The following GJB7 variants were observed in gnomAD, a reference collection of about 807,000 sequenced individuals.
GJB7 encodes gap junction protein beta 7, also known as gap junction beta-7 protein.
For missense variants in GJB7, 253 were observed against 256.8 expected, an observed-to-expected ratio of 0.99 and a Z score of 0.10; for synonymous variants, 87 against 95.2, an observed-to-expected ratio of 0.91 and a Z score of 0.50.
At chr6:87,320,556 G>A (rs548731914) in intron 2 of GJB7, among the ~76,000 whole-genome samples, 1 of 152,230 alleles carries the variant, frequency 6.6e-6, no homozygotes, top group South Asian at 2.1e-4. Context: ...ACAGCCTCAG[G>A]CAGTCCTGAG....
intron 2 of GJB7, among the ~76,000 whole-genome samples, chr6:87,287,280 G>A (rs1776077560): frequency 6.6e-6 from 1 of 152,130 alleles, no homozygotes; most frequent in Non-Finnish European, 1.5e-5. Flanking sequence ...AATACTTCTT[G>A]TTTTCTGCAT....
chr6:87,319,183 A>G (rs891415723), intron 2 of GJB7, among the ~76,000 whole-genome samples: 9 of 152,266 alleles, frequency 5.9e-5, no homozygotes, highest in Admixed American at 1.3e-4. Context: ...CCTGCTCAAA[A>G]TGAAGATTAC....
In GJB7 at chr6:87,284,024, T is replaced by A; in HGVS notation, c.*217A>T. On this transcript the variant is annotated 3_prime_UTR_variant, in exon 3 of 3. Transcript: ENST00000525899. ...AAGCATATTGACAATGTAAAAAAAT[T>A]CCTCCCAAATGATACTAAGGCTGAT... The A allele has an allele frequency of 1.9e-6, 1 of 523,636 alleles. No homozygotes were observed. Among genetic ancestry groups the A allele is most frequent in the South Asian group, 2.6e-5 (1 of 38,480 alleles). 32.4% of individuals were successfully genotyped at this position (523,636 alleles called of 1,614,324 possible).
chr6:87,305,923 G>T (rs973529418), intron 2 of GJB7, among the ~76,000 whole-genome samples: 4 of 152,106 alleles, frequency 2.6e-5, no homozygotes, highest in African/African-American at 4.8e-5. Flanking sequence ...ACAAGCAATG[G>T]GGAAAGGATT....
rs1207497469 is a variant in GJB7 at position 87,312,412 on chromosome 6, T to C, written c.-28+10454A>G. Among the ~76,000 whole-genome samples the C allele has an allele frequency of 7.3e-5, 11 of 151,630 alleles. No individual in the cohort carries two copies. The East Asian group carries it at 2.1e-3, about 29-fold the overall frequency. ...CTGTAATCCCAGTTACTCAGGAGGC[T>C]GAGGCAAAGAATTGCTTGAACTCGC... On this transcript the variant is annotated intron_variant, in intron 2 of 2. Transcript: ENST00000525899.
chr6:87,301,692 C>T (rs890050164), intron 2 of GJB7, among the ~76,000 whole-genome samples: 1 of 152,176 alleles, frequency 6.6e-6, no homozygotes, highest in Non-Finnish European at 1.5e-5. Flanking sequence ...AATCGTTCTC[C>T]CAGCACAGTT....
intron 2 of GJB7, among the ~76,000 whole-genome samples, chr6:87,298,004 G>GT (rs112694259): frequency 0.015 from 2,232 of 152,262 alleles, 56 homozygotes; most frequent in African/African-American, 0.05. Flanking sequence ...AATTAAAGAG[G>GT]TTTGATCAAT....
intron 2 of GJB7, among the ~76,000 whole-genome samples, chr6:87,297,359 T>A (rs1391313618): frequency 6.6e-6 from 1 of 152,232 alleles, no homozygotes; most frequent in Non-Finnish European, 1.5e-5. Flanking sequence ...AATTTGGATG[T>A]GTCCAGTGAT....
chr6:87,284,899 A>G lies in GJB7; in HGVS notation c.14T>C (p.Phe5Ser), dbSNP rs143638017. Residue 5 changes from phenylalanine to serine, a missense_variant, in exon 3 of 3, where the codon TTC becomes TCC. Transcript: ENST00000525899. MSWM[F>S]LRDLLSGVNK... ...TACTCCACTCAGGAGATCTCTGAGGAACATCCAACTCATGACTTAGGCTCA... is the reference window on the plus strand; with the variant it reads ...TACTCCACTCAGGAGATCTCTGAGGGACATCCAACTCATGACTTAGGCTCA... The G allele has an allele frequency of 3.1e-4, 499 of 1,611,606 alleles. 1 individual carries two copies. In the African/African-American group the frequency reaches 6.1e-3, roughly 20 times the overall value.
intron 2 of GJB7, among the ~76,000 whole-genome samples, chr6:87,296,354 G>C (rs1562210452): frequency 6.6e-6 from 1 of 152,018 alleles, no homozygotes; most frequent in African/African-American, 2.4e-5. Flanking sequence ...ATTTTATATA[G>C]AGACATAAAC....
At chr6:87,297,387 T>C (rs928719222) in intron 2 of GJB7, among the ~76,000 whole-genome samples, 1 of 152,194 alleles carries the variant, frequency 6.6e-6, no homozygotes, top group African/African-American at 2.4e-5. Context: ...ATCAAAAGAA[T>C]GTGAGTTTGG....
At chr6:87,317,833 A>C (rs1351673500) in intron 2 of GJB7, among the ~76,000 whole-genome samples, 1 of 152,132 alleles carries the variant, frequency 6.6e-6, no homozygotes, top group Non-Finnish European at 1.5e-5. Context: ...ATGCACCAAA[A>C]ATTTTCCTGC....
rs139955733 is a variant in GJB7 at position 87,293,606 on chromosome 6, C to T, written c.-27-8667G>A. On this transcript the variant is annotated intron_variant, in intron 2 of 2. Transcript: ENST00000525899. ...TTTCCACTCCTTTGTTTATTACTGG[C>T]ACTCACCAGACTTTATCCATGACCT... Among the ~76,000 whole-genome samples, 293 of 152,272 alleles carry T rather than the reference C, an allele frequency of 1.9e-3. 1 individual carries two copies. The highest frequency in any genetic ancestry group is 6.9e-3 in the African/African-American group (285 of 41,532).
chr6:87,293,463 T>G (rs1776208581), intron 2 of GJB7, among the ~76,000 whole-genome samples: 1 of 143,134 alleles, frequency 7.0e-6, no homozygotes, highest in African/African-American at 2.5e-5. Flanking sequence ...TTTGTTTTTG[T>G]TTTTTTTTTA....
At chr6:87,312,533 A>C (rs1051521791) in intron 2 of GJB7, among the ~76,000 whole-genome samples, 1 of 151,750 alleles carries the variant, frequency 6.6e-6, no homozygotes, top group South Asian at 2.1e-4. Flanking sequence ...CAAAAAAAAA[A>C]CTGGAGGTGG....
At chr6:87,323,244 G>A (rs1414546501) in intron 1 of GJB7, among the ~76,000 whole-genome samples, 2 of 150,040 alleles carry the variant, frequency 1.3e-5, no homozygotes, top group African/African-American at 4.9e-5. Flanking sequence ...CATCCAAGAG[G>A]TGGAAAGATA....
intron 2 of GJB7, among the ~76,000 whole-genome samples, chr6:87,308,253 C>T (rs1356805943): frequency 6.6e-6 from 1 of 151,998 alleles, no homozygotes; most frequent in Non-Finnish European, 1.5e-5. Context: ...GGAGGGATAG[C>T]ATTAGGAGAT....
intron 2 of GJB7, among the ~76,000 whole-genome samples, chr6:87,320,020 A>C (rs887278100): frequency 1.3e-5 from 2 of 152,270 alleles, no homozygotes; most frequent in East Asian, 3.9e-4. Flanking sequence ...TGGGAAGGGT[A>C]GTGGGGATGG....
intron 2 of GJB7, among the ~76,000 whole-genome samples, chr6:87,313,670 G>T (rs1264915148): frequency 6.6e-6 from 1 of 152,060 alleles, no homozygotes; most frequent in Non-Finnish European, 1.5e-5. Context: ...AATATCACAC[G>T]TCTCTCTCCC....
Sources: allele counts gnomAD v4.1 joint callset (sites outside exome capture counted in the v4.1 genomes callset), GRCh38; gene constraint gnomAD v4.1.1; transcripts MANE v1.5; gene names NCBI Gene and HGNC (gene_info 2026-07-23, HGNC 2026-07-21).